Variants in HEPH observed in about 807,000 individuals in gnomAD.
The protein encoded by HEPH is hephaestin.
A neutral mutation model predicts 80.8 loss-of-function variants in HEPH; 69 were observed. The ratio of observed to expected loss-of-function variants is 0.85; its 90% CI spans 0.70 to 1.04. The LOEUF is 1.04. Among genes scored for constraint, HEPH ranks in the 50% least tolerant of loss-of-function variants. The pLI is 0.00. For missense variants in HEPH, 1,115 were observed against 891.3 expected, an observed-to-expected ratio of 1.25 and a Z score of -3.20; for synonymous variants, 431 against 322.8, an observed-to-expected ratio of 1.34 and a Z score of -3.60.
At chrX:66,203,152 T>C (rs1014921137) in intron 12 of HEPH, among the ~76,000 whole-genome samples, 1 of 110,074 alleles carries the variant, frequency 9.1e-6, no homozygotes, top group Non-Finnish European at 1.9e-5. Context: ...CCAGTGTATG[T>C]AGCTTTGGAG....
At chrX:66,255,986 T>A (rs1266273544) in intron 16 of HEPH, 119 bp from the exon 17 acceptor site, 30 of 469,221 alleles carry the variant, frequency 6.4e-5, no homozygotes, top group Non-Finnish European at 1.1e-4. Context: ...ATGTAAGATA[T>A]CATGAGGAAA....
chrX:66,176,825 T>A (rs747116625), intron 4 of HEPH, among the ~76,000 whole-genome samples: 3 of 111,776 alleles, frequency 2.7e-5, no homozygotes, highest in African/African-American at 9.8e-5. Flanking sequence ...ACAAAGGACA[T>A]GAACTCATCA....
chrX:66,227,134 C>T (rs1602420554), intron 15 of HEPH, among the ~76,000 whole-genome samples: 1 of 112,023 alleles, frequency 8.9e-6, no homozygotes, highest in South Asian at 3.7e-4. Context: ...TAACACCCAA[C>T]AGTAAATAAA....
At chrX:66,262,351 A>T (rs2091395154) in intron 19 of HEPH, among the ~76,000 whole-genome samples, 1 of 111,759 alleles carries the variant, frequency 8.9e-6, no homozygotes, top group Non-Finnish European at 1.9e-5. Flanking sequence ...TGTAGGTTTG[A>T]CCAGGGGGTT....
Position 66,175,952 on chromosome X carries a change from G to C in HEPH, c.625+2151G>C, listed in dbSNP as rs147456392. 3.2e-3 allele frequency among the ~76,000 whole-genome samples: 352 copies of C among 111,230 alleles called. 4 individuals carry two copies. The highest frequency in any genetic ancestry group is 0.011 in the African/African-American group (332 of 30,604). On this transcript the variant is annotated intron_variant, in intron 4 of 20. Transcript: ENST00000343002. ...GGTTTTCAAGGTAAACTATCATATT[G>C]TCAGCAAACAGTGACAGTTTGACTT...
At chrX:66,188,277 T>C in intron 4 of HEPH, 82 bp from the exon 5 acceptor site, 2 of 713,970 alleles carry the variant, frequency 2.8e-6, no homozygotes, top group Non-Finnish European at 4.1e-6. Context: ...TCTCTTTCTA[T>C]TCCTTTCTTA....
At chrX:66,257,270 G>T (rs1485118647) in intron 17 of HEPH, among the ~76,000 whole-genome samples, 1 of 111,243 alleles carries the variant, frequency 9.0e-6, no homozygotes, top group African/African-American at 3.3e-5. Flanking sequence ...TTAATGCAGG[G>T]GTTTGGCTAA....
At position 66,244,028 on chromosome X, in the gene HEPH, C is replaced by G. The variant is rs138399038; in HGVS notation, c.2564-11007C>G. The stretch of plus-strand genomic sequence containing the variant: ...CAGTCTCTTCTGCCTTGTAGAGTTT[C>G]TGCTGAGAAGTACACTGTTAGCCCA... On this transcript the variant is annotated intron_variant, in intron 15 of 20. Transcript: ENST00000343002. Among the ~76,000 whole-genome samples the G allele has an allele frequency of 1.8e-3, 199 of 112,059 alleles. 1 individual carries two copies. In the Middle Eastern group the frequency reaches 0.019, roughly 10 times the overall value.
chrX:66,192,451 G>T (rs1466269813), intron 7 of HEPH, among the ~76,000 whole-genome samples, 153 bp downstream of exon 7: 1 of 111,792 alleles, frequency 8.9e-6, no homozygotes, highest in African/African-American at 3.3e-5. Context: ...AAGTTCTTGT[G>T]TCCCCCTGGA....
intron 15 of HEPH, among the ~76,000 whole-genome samples, chrX:66,212,416 A>G (rs1425485065): frequency 1.8e-5 from 2 of 111,107 alleles, no homozygotes; most frequent in African/African-American, 6.5e-5. Context: ...GCCTCAACCA[A>G]TGTTCAGGAG....
intron 4 of HEPH, among the ~76,000 whole-genome samples, chrX:66,186,474 G>A (rs922056488): frequency 4.5e-5 from 5 of 112,241 alleles, no homozygotes; most frequent in Middle Eastern, 4.2e-3. Flanking sequence ...TTCCAGGTGC[G>A]TCCATCACCC....
intron 15 of HEPH, among the ~76,000 whole-genome samples, chrX:66,216,333 C>T (rs1191777792): frequency 1.8e-5 from 2 of 111,976 alleles, no homozygotes; most frequent in African/African-American, 6.5e-5. Context: ...ACATAGTCCA[C>T]TTCACTCCCC....
intron 4 of HEPH, among the ~76,000 whole-genome samples, chrX:66,178,922 T>G: frequency 8.9e-6 from 1 of 112,160 alleles, no homozygotes; most frequent in Middle Eastern, 4.6e-3. Context: ...GGTAGTTTCT[T>G]TTGCTGTGTA....
Position 66,239,481 on chromosome X carries a change from A to G in HEPH, c.2564-15554A>G, listed in dbSNP as rs141230739. ...CAGCCACTTTACTTAACAAGTGTTTATAAATGGTTAAGATTTCTTGTTCAT... is the reference window on the plus strand; with the variant it reads ...CAGCCACTTTACTTAACAAGTGTTTGTAAATGGTTAAGATTTCTTGTTCAT... On this transcript the variant is annotated intron_variant, in intron 15 of 20. Coordinates refer to ENST00000343002, the MANE Select transcript of HEPH (RefSeq NM_001367233.3). Among the ~76,000 whole-genome samples, 680 of 112,339 alleles carry G rather than the reference A, an allele frequency of 6.1e-3. 2 individuals are homozygous for G. Among genetic ancestry groups the G allele is most frequent in the Middle Eastern group, 0.014 (3 of 214 alleles).
rs72552359 is a variant in HEPH at position 66,194,186 on chromosome X, G to GA, written c.1369+556dup. On this transcript the variant is annotated intron_variant, in intron 8 of 20. Coordinates refer to ENST00000343002, the MANE Select transcript of HEPH (RefSeq NM_001367233.3). Reference sequence around the variant, plus strand: ...ACCAGAAAATAAAATAGGCCAGATGGAAAAAAAACTTTGGAAATTAATATA... The same window carrying GA: ...ACCAGAAAATAAAATAGGCCAGATGGAAAAAAAAACTTTGGAAATTAATATA... 5.4e-4 allele frequency among the ~76,000 whole-genome samples: 60 copies of GA among 110,917 alleles called. 1 individual carries two copies. Among genetic ancestry groups the GA allele is most frequent in the African/African-American group, 1.7e-3 (52 of 30,532 alleles).
intron 19 of HEPH, among the ~76,000 whole-genome samples, chrX:66,261,509 CT>C (rs2091362211): frequency 9.6e-6 from 1 of 103,774 alleles, no homozygotes; most frequent in African/African-American, 3.5e-5. Flanking sequence ...CCTGTAGAGC[CT>C]TTTGGGACCC....
In HEPH at chrX:66,174,114, G is replaced by A. The variant is rs2086708528; in HGVS notation, c.625+313G>A. 2.7e-5 allele frequency among the ~76,000 whole-genome samples: 3 copies of A among 109,713 alleles called. No homozygotes were observed. The South Asian group carries it at 1.2e-3, about 43-fold the overall frequency. ...TGAGATTTTGGTGCACCTATCTCCT[G>A]AGCACTATACACTACACCCTGTTTG... On this transcript the variant is annotated intron_variant, in intron 4 of 20. Transcript: ENST00000343002.
At chrX:66,167,116 A>G (rs2086403219) in intron 1 of HEPH, among the ~76,000 whole-genome samples, 1 of 112,156 alleles carries the variant, frequency 8.9e-6, no homozygotes, top group South Asian at 3.7e-4. Context: ...TAAATGAAGA[A>G]GTTTCCCAAG....
At chrX:66,262,759 G>T (rs1428060968) in intron 19 of HEPH, among the ~76,000 whole-genome samples, 2 of 111,481 alleles carry the variant, frequency 1.8e-5, no homozygotes, top group Non-Finnish European at 3.8e-5. Flanking sequence ...GAAGCTACTA[G>T]GTTGAGGAAA....
Sources: gnomAD v4.1 joint callset for allele counts (sites outside exome capture counted in the v4.1 genomes callset) on GRCh38, gnomAD v4.1.1 for gene constraint, MANE v1.5 for transcripts, NCBI Gene and HGNC (gene_info 2026-07-23, HGNC 2026-07-21) for gene names.